Variants in STK3 observed in about 807,000 individuals in gnomAD.
STK3 encodes the protein serine/threonine kinase 3, also known as serine/threonine-protein kinase 3.
STK3 carries 41 observed loss-of-function variants against 58.0 expected under a neutral mutation model. The ratio of observed to expected loss-of-function variants is 0.71; its 90% CI spans 0.55 to 0.92. The LOEUF (loss-of-function observed/expected upper bound fraction) is 0.92. Among genes scored for constraint, STK3 ranks in the 40% least tolerant of loss-of-function variants. The pLI, the probability that STK3 is intolerant of heterozygous loss-of-function variation, is 0.00. For synonymous variants in STK3, 170 were observed against 191.0 expected, an observed-to-expected ratio of 0.89 and a Z score of 0.91; for missense variants, 479 against 602.7, an observed-to-expected ratio of 0.79 and a Z score of 2.15.
At chr8:98,380,762 G>A (rs1349307404) in intron 1 of STK3, among the ~76,000 whole-genome samples, 1 of 152,042 alleles carries the variant, frequency 6.6e-6, no homozygotes, top group Middle Eastern at 3.2e-3. Context: ...GCTTTCATGG[G>A]ATTTTGGGTC....
At chr8:98,791,466 AC>A (rs1290990325) in intron 1 of STK3, among the ~76,000 whole-genome samples, 1 of 151,816 alleles carries the variant, frequency 6.6e-6, no homozygotes, top group African/African-American at 2.4e-5. Context: ...ATTAGAAAAA[AC>A]AATCCTAAAA....
In STK3 at chr8:98,476,480, C is replaced by T. The variant is rs1368411757; in HGVS notation, c.1318-20480G>A. ...GCTATGGGTAAATGTTCTGGCTCTG[C>T]GGCCCCCTGAAAAGCAGGATTTTCA... On this transcript the variant is annotated intron_variant, in intron 10 of 10. Coordinates refer to ENST00000419617, the MANE Select transcript of STK3 (RefSeq NM_006281.4). Among the ~76,000 whole-genome samples the T allele has an allele frequency of 4.6e-5, 7 of 152,050 alleles. No individual in the cohort carries two copies. The South Asian group carries it at 6.2e-4, about 14-fold the overall frequency.
At chr8:98,741,337 A>G (rs1829188572) in intron 4 of STK3, among the ~76,000 whole-genome samples, 3 of 152,318 alleles carry the variant, frequency 2.0e-5, no homozygotes, top group South Asian at 4.1e-4. Context: ...TTGACCACAT[A>G]GTTGGAAGTA....
intron 6 of STK3, among the ~76,000 whole-genome samples, chr8:98,689,948 T>C: frequency 6.6e-6 from 1 of 152,104 alleles, no homozygotes; most frequent in East Asian, 1.9e-4. Context: ...AAAAACCATA[T>C]AATCATCTCA....
intron 3 of STK3, chr8:98,431,260 T>C (rs995198569): frequency 2.4e-5 from 4 of 167,098 alleles, no homozygotes; most frequent in African/African-American, 7.2e-5. Flanking sequence ...CACTAGCCAC[T>C]TGTGTCCTGG....
rs181926480 is a variant in STK3, at chr8:98,441,928, T to A, written n.186-4720A>T. On this transcript the variant is annotated intron_variant and non_coding_transcript_variant, in intron 1 of 3. Transcript: ENST00000517832. ...TCTCTCATTCAGCTCCAGACCCATG[T>A]TTCCAGCTGCCCCCAGGATACCTGC... 2.6e-5 allele frequency among the ~76,000 whole-genome samples: 4 copies of A among 152,346 alleles called. No individual in the cohort carries two copies. In the East Asian group the frequency reaches 7.7e-4, roughly 29 times the overall value.
intron 3 of STK3, among the ~76,000 whole-genome samples, chr8:98,758,847 T>C (rs561133093): frequency 1.6e-4 from 25 of 152,250 alleles, no homozygotes; most frequent in Non-Finnish European, 3.1e-4. Flanking sequence ...TTTTATGTTA[T>C]GGAGACAGCT....
intron 10 of STK3, among the ~76,000 whole-genome samples, chr8:98,481,970 C>T (rs1198234267): frequency 6.6e-6 from 1 of 152,094 alleles, no homozygotes; most frequent in Non-Finnish European, 1.5e-5. Context: ...GTTGAATTCT[C>T]ACGTTTCTCA....
intron 10 of STK3, among the ~76,000 whole-genome samples, chr8:98,500,146 T>G (rs1251634540): frequency 6.8e-6 from 1 of 146,814 alleles, no homozygotes; most frequent in Non-Finnish European, 1.5e-5. Flanking sequence ...GCAGAGAGGT[T>G]TTACACAAAA....
intron 1 of STK3, among the ~76,000 whole-genome samples, chr8:98,885,022 G>T (rs1837930094): frequency 6.6e-6 from 1 of 152,166 alleles, no homozygotes; most frequent in African/African-American, 2.4e-5. Context: ...TAAAACAGAT[G>T]AAATAAATCT....
intron 1 of STK3, among the ~76,000 whole-genome samples, chr8:98,902,725 C>T (rs1392877050): frequency 6.6e-6 from 1 of 152,232 alleles, no homozygotes; most frequent in Non-Finnish European, 1.5e-5. Flanking sequence ...CACTATCCTA[C>T]ACAAAAATAC....
chr8:98,379,956 T>C (rs1817715796), intron 1 of STK3, among the ~76,000 whole-genome samples: 1 of 152,202 alleles, frequency 6.6e-6, no homozygotes, highest in South Asian at 2.1e-4. Flanking sequence ...CAATGTAATA[T>C]TGTTTAGCCT....
At chr8:98,617,058 G>T (rs1817798320) in intron 6 of STK3, among the ~76,000 whole-genome samples, 1 of 151,176 alleles carries the variant, frequency 6.6e-6, no homozygotes, top group African/African-American at 2.4e-5. Flanking sequence ...CCACATAGTT[G>T]GAAGTAAAGC....
intron 9 of STK3, among the ~76,000 whole-genome samples, chr8:98,537,156 A>AGGG (rs1197839612): frequency 6.6e-6 from 1 of 152,242 alleles, no homozygotes; most frequent in Non-Finnish European, 1.5e-5. Context: ...ACTATTAACC[A>AGGG]AGATATGTTT....
At chr8:98,877,420 TA>T (rs1488721455) in intron 3 of STK3, among the ~76,000 whole-genome samples, 1 of 152,118 alleles carries the variant, frequency 6.6e-6, no homozygotes, top group East Asian at 1.9e-4. Flanking sequence ...TAGGCTCACT[TA>T]AAAAAAATTA....
intron 4 of STK3, among the ~76,000 whole-genome samples, chr8:98,736,440 G>C (rs1828603308): frequency 6.6e-6 from 1 of 152,166 alleles, no homozygotes. Context: ...TGATAAAACA[G>C]TGACAAGGTA....
At chr8:98,618,632 C>A (rs1353256584) in intron 6 of STK3, among the ~76,000 whole-genome samples, 1 of 143,600 alleles carries the variant, frequency 7.0e-6, no homozygotes. Context: ...GATACAAAAT[C>A]AATGTACAAA....
At chr8:98,655,019 A>G (rs1373621610) in intron 6 of STK3, among the ~76,000 whole-genome samples, 1 of 152,140 alleles carries the variant, frequency 6.6e-6, no homozygotes, top group Non-Finnish European at 1.5e-5. Flanking sequence ...AAGAGCCCGC[A>G]TTGCCAAGTC....
Position 98,939,844 on chromosome 8 carries a change from G to A in STK3, c.-79+2534C>T, listed in dbSNP as rs542103812. Among the ~76,000 whole-genome samples, 495 of 152,360 alleles carry A rather than the reference G, an allele frequency of 3.2e-3. 2 individuals are homozygous for A. Among genetic ancestry groups the A allele is most frequent in the Non-Finnish European group, 5.7e-3 (388 of 68,024 alleles). ...CGGGCCAGTCCCGCCCTGGGCGGTT[G>A]GGGCCTTCCCAGAGGGGCCCGGTGC... is the stretch of plus-strand genomic sequence containing the variant. On this transcript the variant is annotated intron_variant, in intron 1 of 1. Transcript: ENST00000519420.
Sources: allele counts gnomAD v4.1 joint callset (sites outside exome capture counted in the v4.1 genomes callset), GRCh38; gene constraint gnomAD v4.1.1; transcripts MANE v1.5; gene names NCBI Gene and HGNC (gene_info 2026-07-23, HGNC 2026-07-21).